MAF: variants seen among roughly 807,000 people sequenced by gnomAD.
MAF encodes MAF bZIP transcription factor.
A neutral mutation model predicts 22.0 loss-of-function variants in MAF; 10 were observed. The ratio of observed to expected loss-of-function variants is 0.45; its 90% CI spans 0.28 to 0.77. The LOEUF (loss-of-function observed/expected upper bound fraction) is 0.77, where lower values mean the gene tolerates loss of function less well. Among genes scored for constraint, MAF ranks in the 30% least tolerant of loss-of-function variants. The probability of loss-of-function intolerance (pLI) is 0.12; values close to 1 mark genes in which losing one functional copy is unlikely to be tolerated. For synonymous variants in MAF, 337 were observed against 255.8 expected, an observed-to-expected ratio of 1.32 and a Z score of -3.03; for missense variants, 544 against 548.4, an observed-to-expected ratio of 0.99 and a Z score of 0.08.
At chr16:79,361,392 T>G in the MAF span, among the ~76,000 whole-genome samples, 4 of 152,190 alleles carry the variant, frequency 2.6e-5, no homozygotes, top group Non-Finnish European at 4.4e-5. Flanking sequence ...GGTTGGAACT[T>G]CTCAATAATG....
chr16:79,599,303 G>A lies in MAF; in HGVS notation c.600C>T (p.Pro200=). The A allele has an allele frequency of 7.1e-6, 7 of 981,304 alleles. No individual in the cohort carries two copies. The highest frequency in any genetic ancestry group is 5.3e-4 in the Middle Eastern group (1 of 1,896). 60.8% of individuals were successfully genotyped at this position (981,304 alleles called of 1,614,324 possible). A position where few individuals can be genotyped will look rare whatever the true frequency, so the allele number is the denominator to read the frequency against. The part of the protein sequence containing the change: ...GHHHHPTAGA[P]GAAGSAAASA... ...AGGCGGCCGCGCTGCCCGCGGCGCC[G>A]GGCGCGCCGGCCGTCGGGTGGTGGT... The change falls in exon 1 of 2, where the codon CCC becomes CCT. Residue 200 remains proline, a synonymous_variant. Transcript: ENST00000326043.
the MAF span, among the ~76,000 whole-genome samples, chr16:79,460,661 G>A: frequency 1.3e-5 from 2 of 152,232 alleles, no homozygotes; most frequent in African/African-American, 4.8e-5. Flanking sequence ...AATCTTGATT[G>A]AAGTTCCTTG....
At chr16:79,520,199 T>C in the MAF span, among the ~76,000 whole-genome samples, 1 of 152,200 alleles carries the variant, frequency 6.6e-6, no homozygotes, top group African/African-American at 2.4e-5. Context: ...ATGCCAGCTC[T>C]TCTTAGCAGC....
chr16:79,455,117 A>G, the MAF span, among the ~76,000 whole-genome samples: 1 of 151,580 alleles, frequency 6.6e-6, no homozygotes, highest in Non-Finnish European at 1.5e-5. Context: ...AAAAAGAAAG[A>G]ATTCCCTCCA....
the MAF span, among the ~76,000 whole-genome samples, chr16:79,209,968 C>T: frequency 6.6e-6 from 1 of 152,168 alleles, no homozygotes; most frequent in Non-Finnish European, 1.5e-5. Context: ...TAATATCTGG[C>T]TATTTGGAGT....
chr16:79,206,276 G>T, the MAF span: 3 of 152,278 alleles, frequency 2.0e-5, no homozygotes, highest in Admixed American at 6.5e-5. Flanking sequence ...GGAAGCCGGA[G>T]CCCCGTGGAA....
the MAF span, among the ~76,000 whole-genome samples, chr16:79,340,004 C>A: frequency 2.6e-5 from 4 of 152,178 alleles, no homozygotes; most frequent in Non-Finnish European, 5.9e-5. Context: ...AAATGGAACA[C>A]AGCCAACTGA....
At chr16:79,427,388 C>T in the MAF span, among the ~76,000 whole-genome samples, 1 of 152,214 alleles carries the variant, frequency 6.6e-6, no homozygotes, top group Non-Finnish European at 1.5e-5. Flanking sequence ...AGGGCTTGAA[C>T]AGCCCCATTC....
the MAF span, among the ~76,000 whole-genome samples, chr16:79,271,735 G>A: frequency 1.3e-5 from 2 of 152,308 alleles, no homozygotes; most frequent in East Asian, 1.9e-4. Flanking sequence ...ATGTCTCTGA[G>A]GGATGTGACT....
At chr16:79,472,610 T>G in the MAF span, among the ~76,000 whole-genome samples, 3 of 152,108 alleles carry the variant, frequency 2.0e-5, no homozygotes, top group Non-Finnish European at 4.4e-5. Context: ...TGCCTAGGGC[T>G]TGGAGGCAGA....
the MAF span, among the ~76,000 whole-genome samples, chr16:79,422,272 AAAG>A: frequency 6.6e-6 from 1 of 152,236 alleles, no homozygotes; most frequent in East Asian, 1.9e-4. Flanking sequence ...AATTAGGTTG[AAAG>A]AAGAAGTGAT....
the MAF span, among the ~76,000 whole-genome samples, chr16:79,356,400 C>A: frequency 6.6e-6 from 1 of 152,168 alleles, no homozygotes; most frequent in East Asian, 1.9e-4. Context: ...ACCAATGCAG[C>A]GCTTTTCTGG....
At chr16:79,400,854 G>C in the MAF span, among the ~76,000 whole-genome samples, 2 of 152,248 alleles carry the variant, frequency 1.3e-5, no homozygotes, top group Non-Finnish European at 2.9e-5. Flanking sequence ...TTGAGAAATG[G>C]CCTGGGGTAT....
the MAF span, among the ~76,000 whole-genome samples, chr16:79,239,947 G>A: frequency 2.9e-4 from 44 of 152,078 alleles, 1 homozygote; most frequent in Non-Finnish European, 5.6e-4. Context: ...AATGTTTTAC[G>A]GATAGATGCA....
chr16:79,588,233 T>C (rs376831248), intron 1 of MAF, among the ~76,000 whole-genome samples: 1 of 152,178 alleles, frequency 6.6e-6, no homozygotes, highest in Admixed American at 6.5e-5. Context: ...GCTGTCAGCA[T>C]GTGTCTCCAC....
the MAF span, among the ~76,000 whole-genome samples, chr16:79,432,575 A>C: frequency 3.3e-5 from 5 of 152,080 alleles, no homozygotes; most frequent in African/African-American, 9.7e-5. Flanking sequence ...CTGAAACAGT[A>C]CAAAACAAAA....
the MAF span, among the ~76,000 whole-genome samples, chr16:79,255,960 CTTTTCTT>C: frequency 7.5e-5 from 10 of 133,902 alleles, no homozygotes; most frequent in Non-Finnish European, 1.1e-4. Flanking sequence ...CTTTTCTTTT[CTTTTCTT>C]TTTTCTTTTC....
the MAF span, among the ~76,000 whole-genome samples, chr16:79,554,852 T>A: frequency 6.6e-6 from 1 of 151,950 alleles, no homozygotes; most frequent in East Asian, 1.9e-4. Context: ...GGAAACTGAT[T>A]CTGCGTGATT....
chr16:79,590,064 G>A (rs1355202316), downstream of MAF, among the ~76,000 whole-genome samples: 2 of 152,170 alleles, frequency 1.3e-5, no homozygotes, highest in African/African-American at 2.4e-5. Flanking sequence ...CCCCTCGGGG[G>A]ACCTCAGAGG....
Sources: allele counts gnomAD v4.1 joint callset (sites outside exome capture counted in the v4.1 genomes callset), GRCh38; gene constraint gnomAD v4.1.1; transcripts MANE v1.5; gene names NCBI Gene and HGNC (gene_info 2026-07-23, HGNC 2026-07-21).